The following RAB11FIP1 variants were observed in gnomAD, a reference collection of about 807,000 sequenced individuals.
RAB11FIP1 encodes the protein RAB11 family interacting protein 1.
Under a neutral mutation model 83.1 loss-of-function variants are expected in RAB11FIP1, and 49 were observed. The ratio of observed to expected loss-of-function variants is 0.59; its 90% CI spans 0.47 to 0.75. RAB11FIP1 has a LOEUF of 0.75. Among genes scored for constraint, RAB11FIP1 ranks in the 30% least tolerant of loss-of-function variants. The pLI, the probability that RAB11FIP1 is intolerant of heterozygous loss-of-function variation, is 0.00. For synonymous variants in RAB11FIP1, 670 were observed against 656.0 expected, an observed-to-expected ratio of 1.02 and a Z score of -0.33; for missense variants, 1,536 against 1,598.7, an observed-to-expected ratio of 0.96 and a Z score of 0.67.
intron 1 of RAB11FIP1, among the ~76,000 whole-genome samples, chr8:37,892,092 C>G (rs1011828788): frequency 2.0e-5 from 3 of 152,208 alleles, no homozygotes; most frequent in Non-Finnish European, 2.9e-5. Context: ...CTGCCACTTC[C>G]TGGTTCACTT....
At position 37,874,928 on chromosome 8, in the gene RAB11FIP1, C is replaced by G; in HGVS notation, c.1209G>C (p.Leu403=). The G allele has an allele frequency of 6.2e-7, 1 of 1,614,130 alleles. No homozygotes were observed. Among genetic ancestry groups the G allele is most frequent in the South Asian group, 1.1e-5 (1 of 91,072 alleles). Residue 403 remains leucine (L), a synonymous_variant, in exon 3 of 6, where the codon CTG becomes CTC. Transcript: ENST00000330843. ...TGTTTTCCCTGAGGTCCCCACTGAC[C>G]AGTGGGGCAGGTCGGTAGGACGGCA... ...MTLPSYRPAP[L]VSGDLRENMA...
chr8:37,871,337 G>C lies in RAB11FIP1; in HGVS notation c.3465C>G (p.Pro1155=). 1.2e-6 allele frequency: 2 copies of C among 1,614,096 alleles called. No homozygotes were observed. Among genetic ancestry groups the C allele is most frequent in the Non-Finnish European group, 1.7e-6 (2 of 1,179,978 alleles). The change falls in exon 4 of 6, where the codon CCC becomes CCG. Residue 1155 remains proline (P), a synonymous_variant. Coordinates refer to ENST00000330843, the MANE Select transcript of RAB11FIP1 (RefSeq NM_001002814.3). The part of the protein sequence containing the change: ...RKPLLQAWVS[P]SETHPVSAQP... ...GAGCTGAGACTGGATGTGTCTCCGA[G>C]GGTGAGACCCAGGCCTGGAGGAGTG... is the stretch of plus-strand genomic sequence containing the variant.
In RAB11FIP1 at chr8:37,874,878, G is replaced by A. The variant is rs377646642; in HGVS notation, c.1259C>T (p.Thr420Ile). The A allele has an allele frequency of 4.3e-6, 7 of 1,614,040 alleles. No homozygotes were observed. The African/African-American group carries it at 8.0e-5, about 18-fold the overall frequency. The part of the protein sequence containing the change: ...ENMAPANSEA[T>I]KEAKESKKPE... ...CTTCTTGCTCTCCTTAGCTTCTTTT[G>A]TGGCCTCTGAGTTTGCGGGGGCCAT... Residue 420 changes from threonine (T) to isoleucine (I), a missense_variant, in exon 3 of 6, where the codon ACA (threonine) becomes ATA (isoleucine). Coordinates refer to ENST00000330843, the MANE Select transcript of RAB11FIP1 (RefSeq NM_001002814.3).
intron 1 of RAB11FIP1, among the ~76,000 whole-genome samples, chr8:37,886,809 G>A (rs1378490951): frequency 6.6e-6 from 1 of 152,162 alleles, no homozygotes; most frequent in Non-Finnish European, 1.5e-5. Flanking sequence ...AAATCAGGCT[G>A]CAAATCATGT....
chr8:37,887,040 C>T (rs1448601298), intron 1 of RAB11FIP1, among the ~76,000 whole-genome samples: 2 of 152,186 alleles, frequency 1.3e-5, no homozygotes, highest in African/African-American at 4.8e-5. Flanking sequence ...TAACCTAACT[C>T]TGAACACAGA....
intron 5 of RAB11FIP1, among the ~76,000 whole-genome samples, chr8:37,864,718 A>G (rs1806307962): frequency 6.6e-6 from 1 of 152,168 alleles, no homozygotes; most frequent in Non-Finnish European, 1.5e-5. Context: ...CAGGCTGCAC[A>G]TTTAGAGGTG....
chr8:37,892,794 C>T (rs1255981740), intron 1 of RAB11FIP1, among the ~76,000 whole-genome samples: 3 of 152,128 alleles, frequency 2.0e-5, no homozygotes, highest in Non-Finnish European at 4.4e-5. Flanking sequence ...AGTAAAGCCT[C>T]GCCTTCCTCT....
In RAB11FIP1 at chr8:37,872,064, A is replaced by C; in HGVS notation, c.2738T>G (p.Met913Arg). 1 of 1,614,048 alleles carries C rather than the reference A, an allele frequency of 6.2e-7. No homozygotes were observed. The highest frequency in any genetic ancestry group is 8.5e-7 in the Non-Finnish European group (1 of 1,179,994). ...AGTCACAAGGGCATCCTCTCCCTCC[A>C]TCCTAAAGAGTGGAGTGTCTTTCGC... ...SSAKDTPLFR[M>R]EGEDALVTQY... Residue 913 changes from methionine (M) to arginine (R), a missense_variant, in exon 4 of 6, where the codon ATG (methionine) becomes AGG (arginine). Physicochemically the swap from Met to Arg is moderately conservative, Grantham distance 91. Coordinates refer to ENST00000330843, the MANE Select transcript of RAB11FIP1 (RefSeq NM_001002814.3).
intron 5 of RAB11FIP1, among the ~76,000 whole-genome samples, chr8:37,868,842 A>G (rs2130132526): frequency 6.6e-6 from 1 of 152,330 alleles, no homozygotes; most frequent in South Asian, 2.1e-4. Context: ...TGAGCAAGAT[A>G]CTTCCTGGAA....
At chr8:37,877,708 ATTTTTTTTTTTT>A (rs59670170) in intron 1 of RAB11FIP1, 157 bp from the exon 2 acceptor site, 95 of 211,114 alleles carry the variant, frequency 4.5e-4, no homozygotes, top group African/African-American at 1.7e-3. Context: ...TGAGAGCAGA[ATTTTTTTTTTTT>A]TTTTTTTTTT....
Position 37,874,950 on chromosome 8 carries a change from G to A in RAB11FIP1, c.1187C>T (p.Pro396Leu), listed in dbSNP as rs201015666. The part of the protein sequence containing the change: ...TKDSLKSMTL[P>L]SYRPAPLVSG... ...GACCAGTGGGGCAGGTCGGTAGGAC[G>A]GCAGGGTCATAGACTTCAAGGAGTC... is the stretch of plus-strand genomic sequence containing the variant. Residue 396 changes from proline to leucine, a missense_variant, in exon 3 of 6, where the codon CCG (proline) becomes CTG (leucine). Physicochemically the swap from Pro to Leu is moderately conservative, Grantham distance 98. Coordinates refer to ENST00000330843, the MANE Select transcript of RAB11FIP1 (RefSeq NM_001002814.3). The A allele has an allele frequency of 2.3e-5, 37 of 1,614,012 alleles. No individual in the cohort carries two copies. The highest frequency in any genetic ancestry group is 2.2e-4 in the East Asian group (10 of 44,890).
chr8:37,886,820 A>G (rs1806844966), intron 1 of RAB11FIP1, among the ~76,000 whole-genome samples: 1 of 152,240 alleles, frequency 6.6e-6, no homozygotes. Context: ...CAAATCATGT[A>G]GTTAGCAGTT....
intron 1 of RAB11FIP1, 138 bp downstream of exon 1, chr8:37,898,933 G>T: frequency 1.1e-6 from 1 of 904,562 alleles, no homozygotes; most frequent in Non-Finnish European, 1.5e-6. Context: ...GAGAACACCA[G>T]CACCGGCCGA....
rs1329352261 is a variant in RAB11FIP1 at position 37,862,842 on chromosome 8, G to A, written c.*53C>T. ...AGGCAAGGCAAGTCCTTGACCCCTG[G>A]AGCAGGTGAAAGTGAAGTCACAGAA... On this transcript the variant is annotated 3_prime_UTR_variant, in exon 6 of 6. Transcript: ENST00000330843. The A allele has an allele frequency of 1.3e-5, 19 of 1,449,110 alleles. No individual in the cohort carries two copies. The highest frequency in any genetic ancestry group is 1.7e-5 in the Non-Finnish European group (18 of 1,045,648). 89.8% of individuals were successfully genotyped at this position (1,449,110 alleles called of 1,614,324 possible). A position where few individuals can be genotyped will look rare whatever the true frequency, so the allele number is the denominator to read the frequency against.
At position 37,875,030 on chromosome 8, in the gene RAB11FIP1, A is replaced by G. The variant is rs1236894387; in HGVS notation, c.1107T>C (p.Pro369=). ...ENLAAGSWKE[P]AEGGGLSSDR... ...CAGAAGACAGCCCACCTCCTTCAGC[A>G]GGCTCCTTCCAAGACCCAGCCGCCA... is the stretch of plus-strand genomic sequence containing the variant. Residue 369 remains proline (P), a synonymous_variant, in exon 3 of 6, where the codon CCT becomes CCC. Transcript: ENST00000330843. The G allele has an allele frequency of 1.2e-6, 2 of 1,614,148 alleles. No individual in the cohort carries two copies. The highest frequency in any genetic ancestry group is 3.3e-5 in the Admixed American group (2 of 60,020).
At chr8:37,896,932 C>T (rs1448412848) in intron 1 of RAB11FIP1, among the ~76,000 whole-genome samples, 1 of 152,106 alleles carries the variant, frequency 6.6e-6, no homozygotes, top group Non-Finnish European at 1.5e-5. Context: ...ATAAAATGTC[C>T]ACATAAGAAA....
intron 5 of RAB11FIP1, among the ~76,000 whole-genome samples, chr8:37,864,413 T>G (rs1400594499): frequency 3.1e-4 from 47 of 152,324 alleles, no homozygotes; most frequent in Non-Finnish European, 1.0e-4. Flanking sequence ...TCAAGATGAT[T>G]TTGCTGGCAG....
At position 37,872,468 on chromosome 8, in the gene RAB11FIP1, T is replaced by G. The variant is rs368273197; in HGVS notation, c.2334A>C (p.Gly778=). The G allele has an allele frequency of 6.9e-5, 112 of 1,613,912 alleles. No homozygotes were observed. The highest frequency in any genetic ancestry group is 9.4e-5 in the Non-Finnish European group (111 of 1,180,020). ...TGGAATCAATGGAAGGGACTGATGC[T>G]CCCATGGGAAGAGGGGGCGCCACTT... The part of the protein sequence containing the change: ...AEEVAPPLPM[G]ASVPSIDSMM... Residue 778 remains glycine (G), a synonymous_variant, in exon 4 of 6, where the codon GGA becomes GGC. Coordinates refer to ENST00000330843, the MANE Select transcript of RAB11FIP1 (RefSeq NM_001002814.3).
At chr8:37,876,624 A>T (rs1421671189) in intron 2 of RAB11FIP1, among the ~76,000 whole-genome samples, 16 of 151,580 alleles carry the variant, frequency 1.1e-4, no homozygotes, top group Admixed American at 1.3e-4. Flanking sequence ...AAAATATTTT[A>T]AAAAAAGAAA....
Sources: allele counts gnomAD v4.1 joint callset (sites outside exome capture counted in the v4.1 genomes callset), GRCh38; gene constraint gnomAD v4.1.1; transcripts MANE v1.5; gene names NCBI Gene and HGNC (gene_info 2026-07-23, HGNC 2026-07-21).